ZNF316: variants seen among roughly 807,000 people sequenced by gnomAD.
The protein encoded by ZNF316 is zinc finger protein 316.
In ZNF316, 23 loss-of-function variants were observed where a neutral mutation model predicts 75.6. The observed-to-expected ratio is 0.30, with a 90% CI of 0.22 to 0.43. The LOEUF is 0.43. Ranked by LOEUF, ZNF316 falls within the 20% of genes least tolerant of loss-of-function variation. The pLI is 1.00. For synonymous variants in ZNF316, 827 were observed against 666.2 expected (o/e 1.24, Z -3.72); for missense variants, 1,266 against 1,409.4 (o/e 0.90, Z 1.63).
In ZNF316 at chr7:6,643,830, G is replaced by A; in HGVS notation, c.474G>A (p.Val158=). ...AGGCTCTGTTTCCCCAGGAGCTGGT[G>A]ACGTTTGAAGATGTGGCTGTGTACT... ...DLLTAGCQEL[V]TFEDVAVYFS... is the part of the protein sequence containing the mutation. Residue 158 remains valine (V), a synonymous_variant, in exon 7 of 9, where the codon GTG becomes GTA. Transcript: ENST00000382252. The A allele has an allele frequency of 8.1e-7, 1 of 1,236,498 alleles. No homozygotes were observed. Among genetic ancestry groups the A allele is most frequent in the Non-Finnish European group, 1.0e-6 (1 of 990,456 alleles). The allele number at this position is 1,236,498 out of a possible 1,614,324, so 76.6% of individuals were successfully genotyped here.
chr7:6,648,501 C>T (rs1779449199), intron 8 of ZNF316, among the ~76,000 whole-genome samples: 1 of 152,166 alleles, frequency 6.6e-6, no homozygotes, highest in Non-Finnish European at 1.5e-5. Flanking sequence ...ACCCGGGGAG[C>T]AGTGGAGGTG....
rs886660738 is a variant in ZNF316 at position 6,652,250 on chromosome 7, C to T, written c.707-53C>T. On this transcript the variant is annotated intron_variant, in intron 8 of 8. Coordinates refer to ENST00000382252, the MANE Select transcript of ZNF316 (RefSeq NM_001278559.2). The stretch of plus-strand genomic sequence containing the variant: ...TCTCGGGACAGGAACCTGCCAGAGG[C>T]TCCTGTCAAGTTCACTTACCTCTCT... 1.5e-5 allele frequency: 18 copies of T among 1,229,936 alleles called. 1 individual carries two copies. The highest frequency in any genetic ancestry group is 3.1e-4 in the Middle Eastern group (1 of 3,228). The allele number at this position is 1,229,936 out of a possible 1,614,324, so 76.2% of individuals were successfully genotyped here. A position where few individuals can be genotyped will look rare whatever the true frequency, so the allele number is the denominator to read the frequency against.
In ZNF316 at chr7:6,652,609, C is replaced by T. The variant is rs773200253; in HGVS notation, c.1013C>T (p.Pro338Leu). 13 of 1,230,270 alleles carry T rather than the reference C, an allele frequency of 1.1e-5. No individual in the cohort carries two copies. The African/African-American group carries it at 1.4e-4, about 13-fold the overall frequency. The allele number at this position is 1,230,270 out of a possible 1,614,324, so 76.2% of individuals were successfully genotyped here. A position where few individuals can be genotyped will look rare whatever the true frequency, so the allele number is the denominator to read the frequency against. The stretch of plus-strand genomic sequence containing the variant: ...TGGGCGTTCCCCGCCGCAGTGGCCC[C>T]GCCGGCCGGGAGGCCGGAGACCACG... ...SPWAFPAAVA[P>L]PAGRPETTCD... Residue 338 changes from proline to leucine, a missense_variant, in exon 9 of 9, where the codon CCG becomes CTG. Pro to Leu is a moderately conservative substitution (Grantham distance 98). Transcript: ENST00000382252.
At position 6,652,389 on chromosome 7, in the gene ZNF316, G is replaced by A. The variant is rs1779522388; in HGVS notation, c.793G>A (p.Glu265Lys). The A allele has an allele frequency of 1.1e-5, 13 of 1,232,298 alleles. No individual in the cohort carries two copies. The highest frequency in any genetic ancestry group is 1.2e-5 in the Non-Finnish European group (12 of 988,176). The allele number at this position is 1,232,298 out of a possible 1,614,324, so 76.3% of individuals were successfully genotyped here. Reference sequence around the variant, plus strand: ...GGCGGAGGTGGCCGAGGAGGAGAACGAGCCCCCAGGGCTCTGGTCGGCGGC... The same window carrying A: ...GGCGGAGGTGGCCGAGGAGGAGAACAAGCCCCCAGGGCTCTGGTCGGCGGC... ...FLAEVAEEEN[E>K]PPGLWSAAYG... The change falls in exon 9 of 9, where the codon GAG becomes AAG. Residue 265 changes from glutamate to lysine, a missense_variant. This residue lies in a region of ZNF316 where 961 missense variants were observed against 990.9 expected (regional missense o/e 0.97). Transcript: ENST00000382252.
At position 6,653,251 on chromosome 7, in the gene ZNF316, C is replaced by CGGCCGA. The variant is rs928344019; in HGVS notation, c.1658_1663dup (p.Ala553_Glu554dup). On this transcript the variant is annotated inframe_insertion, in exon 9 of 9. Transcript: ENST00000382252. ...GAGGCGGACGGAGAGGCGGAGGCCG[C>CGGCCGA]GGCCGAGGAGAGAGAGGAGGCGGCG... The CGGCCGA allele has an allele frequency of 5.3e-5, 65 of 1,226,592 alleles. No individual in the cohort carries two copies. Among genetic ancestry groups the CGGCCGA allele is most frequent in the Non-Finnish European group, 6.6e-5 (65 of 985,096 alleles). The allele number at this position is 1,226,592 out of a possible 1,614,324, so 76.0% of individuals were successfully genotyped here. A position where few individuals can be genotyped will look rare whatever the true frequency, so the allele number is the denominator to read the frequency against.
At chr7:6,641,430 A>T (rs539298606) in intron 3 of ZNF316, among the ~76,000 whole-genome samples, 1 of 152,102 alleles carries the variant, frequency 6.6e-6, no homozygotes, top group Admixed American at 6.5e-5. Flanking sequence ...CAACGCTATG[A>T]CTCTGCCGTG....
At position 6,637,346 on chromosome 7, in the gene ZNF316, G is replaced by T. The variant is rs1343755879; in HGVS notation, c.-532G>T. On this transcript the variant is annotated 5_prime_UTR_variant, in exon 1 of 9. Coordinates refer to ENST00000382252, the MANE Select transcript of ZNF316 (RefSeq NM_001278559.2). This position sits in a 1 kb window ranked among gnomAD's most constrained non-coding sequence, Gnocchi z 6.2. ...TCCGGTGCCCACGCGCCGCCGTCGC[G>T]CAGCTCCCGGGCCGTCACTTTGTGT... The T allele has an allele frequency of 6.7e-6, 1 of 149,866 alleles. No homozygotes were observed. The highest frequency in any genetic ancestry group is 6.6e-5 in the Admixed American group (1 of 15,084). The allele number at this position is 149,866 out of a possible 1,614,324, so 9.3% of individuals were successfully genotyped here. A position where few individuals can be genotyped will look rare whatever the true frequency, so the allele number is the denominator to read the frequency against.
chr7:6,640,268 T>C lies in ZNF316; in HGVS notation c.-167+1127T>C, dbSNP rs1779287846. Among the ~76,000 whole-genome samples the C allele has an allele frequency of 6.6e-6, 1 of 152,156 alleles. No homozygotes were observed. The highest frequency in any genetic ancestry group is 1.5e-5 in the Non-Finnish European group (1 of 68,044). ...ATTGCTGTAAAGAAATACCTGAGAC[T>C]GGGTCATTTATAAAGAAGAGGTGAG... On this transcript the variant is annotated intron_variant, in intron 3 of 8. Transcript: ENST00000382252. This position sits in a 1 kb window ranked among gnomAD's most constrained non-coding sequence, Gnocchi z 5.1.
rs190009677 is a variant in ZNF316 at position 6,642,160 on chromosome 7, C to T, written c.-29+198C>T. On this transcript the variant is annotated intron_variant, in intron 4 of 8. Coordinates refer to ENST00000382252, the MANE Select transcript of ZNF316 (RefSeq NM_001278559.2). This position sits in a 1 kb window ranked among gnomAD's most constrained non-coding sequence, Gnocchi z 8.1. Reference sequence around the variant, plus strand: ...TGAGACTGGCATCCCAGGGGTCACGCGGAGGGGCCATTGGGGCAGCCTTTC... The same window carrying T: ...TGAGACTGGCATCCCAGGGGTCACGTGGAGGGGCCATTGGGGCAGCCTTTC... 36 of 374,212 alleles carry T rather than the reference C, an allele frequency of 9.6e-5. No individual in the cohort carries two copies. The highest frequency in any genetic ancestry group is 4.3e-4 in the African/African-American group (21 of 48,322). The allele number at this position is 374,212 out of a possible 1,614,324, so 23.2% of individuals were successfully genotyped here.
chr7:6,651,173 A>G (rs1455408484), intron 8 of ZNF316, among the ~76,000 whole-genome samples: 1 of 151,556 alleles, frequency 6.6e-6, no homozygotes, highest in Non-Finnish European at 1.5e-5. Flanking sequence ...AACACTGAGA[A>G]ACCCCATCTC....
In ZNF316 at chr7:6,640,195, G is replaced by A. The variant is rs764127828; in HGVS notation, c.-167+1054G>A. Among the ~76,000 whole-genome samples, 1 of 152,128 alleles carries A rather than the reference G, an allele frequency of 6.6e-6. No homozygotes were observed. The highest frequency in any genetic ancestry group is 1.5e-5 in the Non-Finnish European group (1 of 68,026). ...AAAGCAGTTCAGGAAATGAGTACGC[G>A]CGGCTGCTATGGTTTGGGTGTTTGT... On this transcript the variant is annotated intron_variant, in intron 3 of 8. Transcript: ENST00000382252. The surrounding 1 kb of genome is among the most constrained non-coding windows in gnomAD (Gnocchi z 5.1).
intron 8 of ZNF316, among the ~76,000 whole-genome samples, chr7:6,644,850 C>G (rs977336391): frequency 6.6e-6 from 1 of 152,206 alleles, no homozygotes; most frequent in African/African-American, 2.4e-5. Context: ...AATTTCTTTG[C>G]ATGTGAGGGG....
chr7:6,650,063 C>T (rs750586600), intron 8 of ZNF316, among the ~76,000 whole-genome samples: 4 of 152,324 alleles, frequency 2.6e-5, no homozygotes, highest in South Asian at 2.1e-4. Context: ...CGATGCACCC[C>T]GCTACAAAAT....
Position 6,644,467 on chromosome 7 carries a change from G to T in ZNF316, c.593-13G>T. 2 of 1,230,632 alleles carry T rather than the reference G, an allele frequency of 1.6e-6. No homozygotes were observed. The highest frequency in any genetic ancestry group is 2.0e-6 in the Non-Finnish European group (2 of 986,586). 76.2% of individuals were successfully genotyped at this position (1,230,632 alleles called of 1,614,324 possible). On this transcript the variant is annotated splice_polypyrimidine_tract_variant and intron_variant, in intron 7 of 8. Transcript: ENST00000382252. ...CGGGAGCCGCCTGCAGCCGCCGTCT[G>T]TTCTCCTGGCAGGATACCCAATTCC...
In ZNF316 at chr7:6,643,807, G is replaced by T; in HGVS notation, c.466-15G>T. The T allele has an allele frequency of 8.1e-7, 1 of 1,234,542 alleles. No homozygotes were observed. The highest frequency in any genetic ancestry group is 1.0e-6 in the Non-Finnish European group (1 of 989,378). 76.5% of individuals were successfully genotyped at this position (1,234,542 alleles called of 1,614,324 possible). ...GGGCTCCCTCAGCCTCTCACCTGAG[G>T]CTCTGTTTCCCCAGGAGCTGGTGAC... is the stretch of plus-strand genomic sequence containing the variant. On this transcript the variant is annotated splice_polypyrimidine_tract_variant and intron_variant, in intron 6 of 8. Transcript: ENST00000382252.
rs1349915838 is a variant in ZNF316 at position 6,656,473 on chromosome 7, C to T, written c.*1862C>T. ...CATGCTGTCGCCACTCCTGGGAACC[C>T]GTCGGGGAGGCTCTGCGCGGCCTCA... On this transcript the variant is annotated 3_prime_UTR_variant, in exon 9 of 9. Coordinates refer to ENST00000382252, the MANE Select transcript of ZNF316 (RefSeq NM_001278559.2). 1 of 152,216 alleles carries T rather than the reference C, an allele frequency of 6.6e-6. No homozygotes were observed. The highest frequency in any genetic ancestry group is 1.5e-5 in the Non-Finnish European group (1 of 68,040). 9.4% of individuals were successfully genotyped at this position (152,216 alleles called of 1,614,324 possible).
chr7:6,648,664 T>C (rs74325632), intron 8 of ZNF316, among the ~76,000 whole-genome samples: 3,451 of 152,266 alleles, frequency 0.023, 67 homozygotes, highest in Middle Eastern at 0.048. Context: ...CAGTGCGTCA[T>C]AGGAGTGGAA....
chr7:6,638,319 G>C (rs1386237906), intron 2 of ZNF316, among the ~76,000 whole-genome samples: 1 of 152,168 alleles, frequency 6.6e-6, no homozygotes, highest in African/African-American at 2.4e-5. Context: ...TCCAGAATCC[G>C]AGGACAGACA....
intron 8 of ZNF316, among the ~76,000 whole-genome samples, chr7:6,650,053 C>G (rs765452730): frequency 6.6e-6 from 1 of 152,160 alleles, no homozygotes; most frequent in South Asian, 2.1e-4. Flanking sequence ...CCTGAGGTAC[C>G]GATGCACCCC....
Sources: gnomAD v4.1 joint callset for allele counts (sites outside exome capture counted in the v4.1 genomes callset) on GRCh38, gnomAD v4.1.1 for gene constraint, gnomAD v4.1.1 regional missense constraint, Gnocchi (gnomAD v3.1) non-coding constraint, MANE v1.5 for transcripts, NCBI Gene and HGNC (gene_info 2026-07-23, HGNC 2026-07-21) for gene names.